Variants in TTLL5 observed in about 807,000 individuals in gnomAD.
The protein encoded by TTLL5 is tubulin tyrosine ligase like 5.
TTLL5 carries 132 observed loss-of-function variants against 168.4 expected under a neutral mutation model. The observed-to-expected ratio is 0.78, with a 90% confidence interval of 0.68 to 0.91. The LOEUF is 0.91. Among genes scored for constraint, TTLL5 ranks in the 40% least tolerant of loss-of-function variants. TTLL5 has a pLI of 0.00. For missense variants in TTLL5, 1,545 were observed against 1,581.5 expected (o/e 0.98, Z 0.39); for synonymous variants, 546 against 558.6 (o/e 0.98, Z 0.32).
intron 29 of TTLL5, among the ~76,000 whole-genome samples, chr14:75,864,834 A>C (rs1040572356): frequency 6.6e-6 from 1 of 152,154 alleles, no homozygotes; most frequent in Admixed American, 6.5e-5. Flanking sequence ...TTTGTGCAAA[A>C]TTATTTACTC....
intron 27 of TTLL5, among the ~76,000 whole-genome samples, chr14:75,807,804 A>T (rs547505077): frequency 1.3e-5 from 2 of 152,212 alleles, no homozygotes; most frequent in Non-Finnish European, 2.9e-5. Context: ...TTGTTGTTCC[A>T]TGATGTTGCT....
chr14:75,902,218 T>C lies in TTLL5; in HGVS notation c.3817T>C (p.Ser1273Pro). 1 of 1,614,114 alleles carries C rather than the reference T, an allele frequency of 6.2e-7. No individual in the cohort carries two copies. The highest frequency in any genetic ancestry group is 1.6e-4 in the Middle Eastern group (1 of 6,062). Reference protein sequence around the residue: ...NPAAFVPITSSTDPAHTKI With the variant: ...NPAAFVPITSPTDPAHTKI ...TGCAGCCTTTGTGCCCATCACCAGC[T>C]CTACAGGTTAGTGGGCACCAGCTCT... Residue 1273 changes from serine to proline, a missense_variant, in exon 31 of 32, where the codon TCT (serine) becomes CCT (proline). Transcript: ENST00000298832.
chr14:75,903,312 G>C (rs1313707427), intron 31 of TTLL5, among the ~76,000 whole-genome samples: 1 of 152,008 alleles, frequency 6.6e-6, no homozygotes, highest in African/African-American at 2.4e-5. Flanking sequence ...GGAGAGGAAA[G>C]GCACAGGTGG....
intron 31 of TTLL5, among the ~76,000 whole-genome samples, chr14:75,928,792 T>A (rs2034172168): frequency 6.6e-6 from 1 of 152,110 alleles, no homozygotes; most frequent in Admixed American, 6.5e-5. Flanking sequence ...TCTGCCCTGG[T>A]CATGGGATTT....
intron 3 of TTLL5, among the ~76,000 whole-genome samples, chr14:75,674,393 C>A (rs1470517375): frequency 2.0e-5 from 3 of 152,160 alleles, no homozygotes; most frequent in African/African-American, 4.8e-5. Context: ...AGATCATAAG[C>A]CTGTGGTTAA....
chr14:75,811,608 G>A (rs1177884969), intron 27 of TTLL5, among the ~76,000 whole-genome samples: 1 of 152,128 alleles, frequency 6.6e-6, no homozygotes, highest in East Asian at 1.9e-4. Flanking sequence ...GCAGGGAAGG[G>A]CCACGTTTTT....
intron 29 of TTLL5, among the ~76,000 whole-genome samples, chr14:75,875,027 G>T (rs1320883775): frequency 2.2e-5 from 3 of 139,254 alleles, no homozygotes; most frequent in African/African-American, 8.0e-5. Flanking sequence ...TCCGCCTCCC[G>T]GGTTCACACC....
intron 17 of TTLL5, among the ~76,000 whole-genome samples, chr14:75,748,508 T>G (rs1362017355): frequency 1.3e-5 from 2 of 152,214 alleles, no homozygotes; most frequent in African/African-American, 2.4e-5. Flanking sequence ...TATTCTTGTA[T>G]GTGTCTGCTG....
At chr14:75,826,368 C>CT (rs1895136768) in intron 28 of TTLL5, among the ~76,000 whole-genome samples, 2 of 150,378 alleles carry the variant, frequency 1.3e-5, no homozygotes, top group African/African-American at 4.9e-5. Flanking sequence ...TGTGAATATA[C>CT]TTACACTCCT....
chr14:75,747,781 C>T (rs1889702890), intron 17 of TTLL5, among the ~76,000 whole-genome samples: 1 of 152,212 alleles, frequency 6.6e-6, no homozygotes, highest in Admixed American at 6.5e-5. Flanking sequence ...ATTCAGCTTA[C>T]ACCTTACCTT....
chr14:75,891,553 A>C (rs1447914373), intron 30 of TTLL5, among the ~76,000 whole-genome samples: 1 of 152,164 alleles, frequency 6.6e-6, no homozygotes, highest in Non-Finnish European at 1.5e-5. Flanking sequence ...AGAAGGGATA[A>C]ACTCATTCCC....
At chr14:75,773,923 T>TAGAGAGAGAGAGAG (rs1250809385) in intron 21 of TTLL5, among the ~76,000 whole-genome samples, 4 of 27,724 alleles carry the variant, frequency 1.4e-4, no homozygotes, top group Non-Finnish European at 2.1e-4. Context: ...TATATATATA[T>TAGAGAGAGAGAGAG]ATATAGAGAG....
intron 28 of TTLL5, among the ~76,000 whole-genome samples, chr14:75,836,841 T>C (rs1477951119): frequency 6.6e-6 from 1 of 152,204 alleles, no homozygotes; most frequent in African/African-American, 2.4e-5. Context: ...TGTAATCCAG[T>C]GATAGACCAT....
intron 3 of TTLL5, among the ~76,000 whole-genome samples, chr14:75,672,252 A>G (rs965197884): frequency 6.6e-6 from 1 of 151,696 alleles, no homozygotes; most frequent in African/African-American, 2.4e-5. Context: ...ATTTTGTTTT[A>G]TTTTATTTTT....
At chr14:75,918,423 C>T (rs1166923632) in intron 31 of TTLL5, among the ~76,000 whole-genome samples, 1 of 152,206 alleles carries the variant, frequency 6.6e-6, no homozygotes, top group African/African-American at 2.4e-5. Flanking sequence ...TCTGCAGCCC[C>T]TCTACCACCA....
intron 15 of TTLL5, among the ~76,000 whole-genome samples, chr14:75,743,621 G>C (rs1340205413): frequency 9.8e-6 from 1 of 101,794 alleles, no homozygotes; most frequent in African/African-American, 3.9e-5. Context: ...TTGCTCTGTT[G>C]CCCAGGCTGG....
intron 28 of TTLL5, among the ~76,000 whole-genome samples, chr14:75,829,559 CTTT>C (rs202156409): frequency 3.6e-5 from 5 of 138,976 alleles, no homozygotes; most frequent in Non-Finnish European, 4.7e-5. Flanking sequence ...TATACATTTA[CTTT>C]TTTTTTTTTT....
chr14:75,898,063 A>G (rs113956026), intron 30 of TTLL5, among the ~76,000 whole-genome samples: 1 of 152,298 alleles, frequency 6.6e-6, no homozygotes, highest in Non-Finnish European at 1.5e-5. Context: ...TGATACTTCT[A>G]TAACTCCAGT....
chr14:75,888,563 T>C lies in TTLL5; in HGVS notation c.3740+5661T>C, dbSNP rs2032231912. ...ATAAGCCCTTGGCAAATTTAGACCT[T>C]CTTTAAGGATGAGCAAATACTGGAA... is the stretch of plus-strand genomic sequence containing the variant. On this transcript the variant is annotated intron_variant, in intron 30 of 31. Transcript: ENST00000298832. Among the ~76,000 whole-genome samples, 4 of 152,264 alleles carry C rather than the reference T, an allele frequency of 2.6e-5. No homozygotes were observed. The South Asian group carries it at 8.3e-4, about 32-fold the overall frequency.
Sources: gnomAD v4.1 joint callset for allele counts (sites outside exome capture counted in the v4.1 genomes callset) on GRCh38, gnomAD v4.1.1 for gene constraint, MANE v1.5 for transcripts, NCBI Gene and HGNC (gene_info 2026-07-23, HGNC 2026-07-21) for gene names.